SCHIP1: variants seen among roughly 807,000 people sequenced by gnomAD.
SCHIP1 encodes the protein schwannomin interacting protein 1.
SCHIP1 carries 8 observed loss-of-function variants against 29.7 expected under a neutral mutation model. That is an observed-to-expected ratio of 0.27 (90% CI 0.16 to 0.49). The LOEUF (loss-of-function observed/expected upper bound fraction) is 0.49, where lower values mean the gene tolerates loss of function less well. Ranked by LOEUF, SCHIP1 falls within the 20% of genes least tolerant of loss-of-function variation. The probability of loss-of-function intolerance (pLI) is 0.99; values close to 1 mark genes in which losing one functional copy is unlikely to be tolerated. For synonymous variants in SCHIP1, 76 were observed against 94.9 expected (o/e 0.80, Z 1.16); for missense variants, 193 against 294.6 (o/e 0.66, Z 2.52).
chr3:159,429,378 G>A, the SCHIP1 span, among the ~76,000 whole-genome samples: 1 of 151,970 alleles, frequency 6.6e-6, no homozygotes, highest in East Asian at 1.9e-4. Flanking sequence ...GAGATGAGGT[G>A]GGGGTAAATC....
chr3:159,309,482 A>C, the SCHIP1 span, among the ~76,000 whole-genome samples: 1 of 152,104 alleles, frequency 6.6e-6, no homozygotes, highest in East Asian at 1.9e-4. Context: ...TCCACAAGAC[A>C]AATGTGGAGT....
At chr3:159,719,056 C>G in the SCHIP1 span, among the ~76,000 whole-genome samples, 1 of 152,254 alleles carries the variant, frequency 6.6e-6, no homozygotes, top group East Asian at 1.9e-4. Context: ...TGGAACAGAA[C>G]AGCGCCCTCA....
chr3:159,750,636 G>C, the SCHIP1 span, among the ~76,000 whole-genome samples: 2 of 152,140 alleles, frequency 1.3e-5, no homozygotes, highest in Non-Finnish European at 2.9e-5. Flanking sequence ...GGACACCTGT[G>C]TGTCCTTCAC....
the SCHIP1 span, among the ~76,000 whole-genome samples, chr3:159,589,138 C>T: frequency 2.6e-5 from 4 of 152,152 alleles, no homozygotes; most frequent in South Asian, 2.1e-4. Flanking sequence ...TGTTTTATTT[C>T]GCTGAGCAGT....
At chr3:159,595,787 T>C in the SCHIP1 span, among the ~76,000 whole-genome samples, 1 of 152,192 alleles carries the variant, frequency 6.6e-6, no homozygotes, top group Non-Finnish European at 1.5e-5. Flanking sequence ...TTTCATTTGT[T>C]GTTCACTAAA....
At chr3:159,524,051 C>A in the SCHIP1 span, among the ~76,000 whole-genome samples, 1 of 152,188 alleles carries the variant, frequency 6.6e-6, no homozygotes, top group African/African-American at 2.4e-5. Flanking sequence ...CTTTTGATTC[C>A]TGAAGGCACA....
At chr3:159,746,203 A>G in the SCHIP1 span, among the ~76,000 whole-genome samples, 1 of 152,226 alleles carries the variant, frequency 6.6e-6, no homozygotes, top group African/African-American at 2.4e-5. Context: ...TTCCCTTAAG[A>G]TTTACAGAAG....
chr3:159,865,874 A>C (rs1366632040), intron 1 of SCHIP1, among the ~76,000 whole-genome samples: 3 of 152,248 alleles, frequency 2.0e-5, no homozygotes, highest in African/African-American at 7.2e-5. Flanking sequence ...GGTAAGAAGA[A>C]GAAAGATTAC....
chr3:159,484,921 T>A, the SCHIP1 span, among the ~76,000 whole-genome samples: 1 of 152,186 alleles, frequency 6.6e-6, no homozygotes, highest in Admixed American at 6.6e-5. Flanking sequence ...TGTTGGATTC[T>A]CCTCTTCTTT....
the SCHIP1 span, among the ~76,000 whole-genome samples, chr3:159,653,256 A>C: frequency 6.6e-6 from 1 of 152,236 alleles, no homozygotes; most frequent in Non-Finnish European, 1.5e-5. Context: ...ACAAAGGATT[A>C]TAAATCATTC....
chr3:159,737,349 C>T, the SCHIP1 span, among the ~76,000 whole-genome samples: 2 of 152,272 alleles, frequency 1.3e-5, no homozygotes, highest in South Asian at 2.1e-4. Flanking sequence ...CCCAGAGTCT[C>T]TGATCTGTAG....
chr3:159,637,422 C>CAA, the SCHIP1 span, among the ~76,000 whole-genome samples: 1 of 145,960 alleles, frequency 6.9e-6, no homozygotes, highest in Non-Finnish European at 1.5e-5. Context: ...CACACACACA[C>CAA]CTGACTCTTC....
the SCHIP1 span, among the ~76,000 whole-genome samples, chr3:159,804,072 G>A: frequency 2.0e-5 from 3 of 152,108 alleles, no homozygotes; most frequent in East Asian, 5.8e-4. Flanking sequence ...TTTGTATAAT[G>A]ACCTAAGGAA....
At chr3:159,843,458 A>C (rs974079483) in intron 1 of SCHIP1, among the ~76,000 whole-genome samples, 2 of 152,028 alleles carry the variant, frequency 1.3e-5, no homozygotes, top group African/African-American at 4.8e-5. Flanking sequence ...CTGCTTTCTC[A>C]GTGCTTAGAA....
the SCHIP1 span, among the ~76,000 whole-genome samples, chr3:159,819,993 G>A: frequency 5.9e-5 from 9 of 152,188 alleles, no homozygotes; most frequent in African/African-American, 2.2e-4. Context: ...CAGATCCTGG[G>A]AGCCATGTCT....
the SCHIP1 span, among the ~76,000 whole-genome samples, chr3:159,515,981 G>A: frequency 2.7e-5 from 4 of 150,468 alleles, no homozygotes; most frequent in Non-Finnish European, 4.4e-5. Context: ...GCAAGGGGGA[G>A]ATAAAGAATT....
At chr3:159,492,729 A>C in the SCHIP1 span, among the ~76,000 whole-genome samples, 10 of 152,112 alleles carry the variant, frequency 6.6e-5, no homozygotes, top group African/African-American at 2.4e-4. Context: ...GGCCAACATT[A>C]AAATTCAGGA....
At chr3:159,871,283 A>T (rs1019143757) in intron 2 of SCHIP1, among the ~76,000 whole-genome samples, 3 of 133,518 alleles carry the variant, frequency 2.2e-5, no homozygotes, top group African/African-American at 8.6e-5. Context: ...TGACCACCCT[A>T]TTAAAAGTAA....
the SCHIP1 span, among the ~76,000 whole-genome samples, chr3:159,704,935 T>C: frequency 6.9e-6 from 1 of 144,424 alleles, no homozygotes; most frequent in African/African-American, 2.8e-5. Context: ...TTTCTTTCTT[T>C]CTTTCCTTTC....
Sources: allele counts gnomAD v4.1 joint callset (sites outside exome capture counted in the v4.1 genomes callset), GRCh38; gene constraint gnomAD v4.1.1; transcripts MANE v1.5; gene names NCBI Gene and HGNC (gene_info 2026-07-23, HGNC 2026-07-21).